ARHGAP32: variants seen among roughly 807,000 people sequenced by gnomAD.
The protein encoded by ARHGAP32 is rho GTPase-activating protein 32.
In ARHGAP32, 51 loss-of-function variants were observed where a neutral mutation model predicts 186.5. That is an observed-to-expected ratio of 0.27 (90% CI 0.22 to 0.35). The LOEUF (loss-of-function observed/expected upper bound fraction) is 0.35. Ranked by LOEUF, ARHGAP32 falls within the 10% of genes least tolerant of loss-of-function variation. ARHGAP32 has a pLI of 1.00. For synonymous variants in ARHGAP32, 950 were observed against 964.3 expected (o/e 0.99, Z 0.27); for missense variants, 2,186 against 2,623.5 (o/e 0.83, Z 3.64).
At chr11:129,187,915 GTTTT>G (rs1314946528) in intron 1 of ARHGAP32, among the ~76,000 whole-genome samples, 1 of 151,760 alleles carries the variant, frequency 6.6e-6, no homozygotes, top group African/African-American at 2.4e-5. Context: ...AGTTAATTGG[GTTTT>G]TTTGTTTTGG....
intron 11 of ARHGAP32, chr11:129,023,957 G>A (rs1938715157): frequency 3.0e-6 from 3 of 985,210 alleles, no homozygotes; most frequent in South Asian, 4.7e-5. Context: ...TCTGCATTCC[G>A]TACAAGAGTG....
intron 1 of ARHGAP32, among the ~76,000 whole-genome samples, chr11:129,272,905 T>G (rs997615957): frequency 3.3e-5 from 5 of 152,202 alleles, no homozygotes; most frequent in South Asian, 2.1e-4. Context: ...TTTCCTTCCA[T>G]CTACTAAATC....
intron 2 of ARHGAP32, among the ~76,000 whole-genome samples, chr11:129,143,635 G>A (rs1943110025): frequency 6.6e-6 from 1 of 152,138 alleles, no homozygotes; most frequent in Admixed American, 6.5e-5. Flanking sequence ...AAGCACAAGA[G>A]GAGTGATGCT....
At chr11:129,153,481 A>G (rs1943335052) in intron 2 of ARHGAP32, among the ~76,000 whole-genome samples, 1 of 152,182 alleles carries the variant, frequency 6.6e-6, no homozygotes, top group Non-Finnish European at 1.5e-5. Flanking sequence ...TCAACTTCAA[A>G]CTATACTACA....
At chr11:129,206,890 G>C (rs1439379632) in intron 1 of ARHGAP32, among the ~76,000 whole-genome samples, 1 of 151,888 alleles carries the variant, frequency 6.6e-6, no homozygotes, top group African/African-American at 2.4e-5. Flanking sequence ...ATCTCCTAAT[G>C]CTATCCCTCC....
Position 128,968,939 on chromosome 11 carries a change from G to T in ARHGAP32, c.6274C>A (p.Gln2092Lys), listed in dbSNP as rs1180861283. 6.5e-7 allele frequency: 1 copy of T among 1,549,000 alleles called. No individual in the cohort carries two copies. The highest frequency in any genetic ancestry group is 1.9e-5 in the Admixed American group (1 of 53,750). The change falls in exon 23 of 23, where the codon CAG becomes AAG. Residue 2092 changes from glutamine (Q) to lysine (K), a missense_variant. Coordinates refer to ENST00000682385, the MANE Select transcript of ARHGAP32 (RefSeq NM_001378024.1). The part of the protein sequence containing the change: ...GAFLPAELSL[Q>K]HPETQIHAE The stretch of plus-strand genomic sequence containing the variant: ...GCATGGATCTGTGTTTCAGGATGCT[G>T]CAAGGACAACTCTGCGGGCAGGAAG...
In ARHGAP32 at chr11:128,986,671, G is replaced by A. The variant is rs776820421; in HGVS notation, c.1299-3C>T. 1.9e-6 allele frequency: 3 copies of A among 1,613,494 alleles called. No homozygotes were observed. The highest frequency in any genetic ancestry group is 2.2e-5 in the East Asian group (1 of 44,864). On this transcript the variant is annotated splice_polypyrimidine_tract_variant and splice_region_variant and intron_variant, in intron 13 of 22. Coordinates refer to ENST00000682385, the MANE Select transcript of ARHGAP32 (RefSeq NM_001378024.1). Reference sequence around the variant, plus strand: ...CGTGCTCAGAGTCAAATTCATGGCTGACGTAGACAGAAGAGGACAAGCAAA... The same window carrying A: ...CGTGCTCAGAGTCAAATTCATGGCTAACGTAGACAGAAGAGGACAAGCAAA...
chr11:129,266,631 A>G (rs1293679864), intron 1 of ARHGAP32, among the ~76,000 whole-genome samples: 1 of 152,186 alleles, frequency 6.6e-6, no homozygotes, highest in Non-Finnish European at 1.5e-5. Context: ...ATTTTCCACA[A>G]TAACCAACTC....
At chr11:129,097,669 C>A (rs1184786607) in intron 5 of ARHGAP32, among the ~76,000 whole-genome samples, 1 of 152,040 alleles carries the variant, frequency 6.6e-6, no homozygotes, top group Non-Finnish European at 1.5e-5. Flanking sequence ...CTAAGGGACC[C>A]ATGGGACACC....
chr11:129,113,196 A>T (rs1292409789), intron 5 of ARHGAP32, among the ~76,000 whole-genome samples: 3 of 152,296 alleles, frequency 2.0e-5, no homozygotes, highest in Admixed American at 2.0e-4. Context: ...GTATGGAAGA[A>T]CCATAAGAGA....
intron 1 of ARHGAP32, among the ~76,000 whole-genome samples, chr11:129,230,730 CA>C (rs1338199471): frequency 6.6e-6 from 1 of 151,994 alleles, no homozygotes; most frequent in African/African-American, 2.4e-5. Context: ...TAAATTATTT[CA>C]ACAGGAACCA....
intron 2 of ARHGAP32, among the ~76,000 whole-genome samples, chr11:129,151,444 A>G (rs1311121127): frequency 1.3e-5 from 2 of 152,156 alleles, no homozygotes; most frequent in Non-Finnish European, 2.9e-5. Context: ...AGTACATGGA[A>G]CATTCTCCAA....
intron 11 of ARHGAP32, among the ~76,000 whole-genome samples, chr11:129,014,382 G>A (rs369809901): frequency 1.2e-4 from 19 of 152,242 alleles, no homozygotes; most frequent in African/African-American, 2.9e-4. Flanking sequence ...TTACACCAGC[G>A]TAATACTTCC....
intron 1 of ARHGAP32, among the ~76,000 whole-genome samples, chr11:129,237,216 T>C (rs1437543537): frequency 3.3e-5 from 5 of 152,218 alleles, no homozygotes; most frequent in Non-Finnish European, 5.9e-5. Flanking sequence ...GTCTTCTTTT[T>C]TTGTTCTTAA....
At chr11:129,001,496 T>C (rs1251310121) in intron 11 of ARHGAP32, among the ~76,000 whole-genome samples, 1 of 152,248 alleles carries the variant, frequency 6.6e-6, no homozygotes, top group African/African-American at 2.4e-5. Context: ...GAGCTACTTA[T>C]ATATTCCAGT....
At chr11:129,256,354 A>G (rs887541127) in intron 1 of ARHGAP32, among the ~76,000 whole-genome samples, 3 of 152,148 alleles carry the variant, frequency 2.0e-5, no homozygotes, top group Non-Finnish European at 2.9e-5. Context: ...ATGGAGGGAG[A>G]TAAGGTCAGC....
At chr11:129,149,240 G>A (rs1183370606) in intron 2 of ARHGAP32, among the ~76,000 whole-genome samples, 1 of 152,212 alleles carries the variant, frequency 6.6e-6, no homozygotes. Flanking sequence ...GGAAGAAGAA[G>A]ACAATAGCTA....
chr11:129,064,400 A>G (rs1940618773), intron 8 of ARHGAP32, among the ~76,000 whole-genome samples: 1 of 152,128 alleles, frequency 6.6e-6, no homozygotes, highest in Non-Finnish European at 1.5e-5. Context: ...GTGGGAGGAG[A>G]AAACAATATA....
At chr11:129,237,996 T>C (rs1944960128) in intron 1 of ARHGAP32, among the ~76,000 whole-genome samples, 1 of 152,112 alleles carries the variant, frequency 6.6e-6, no homozygotes, top group Non-Finnish European at 1.5e-5. Flanking sequence ...CGCATTTTGA[T>C]GGTAGGGACA....
Sources: gnomAD v4.1 joint callset for allele counts (sites outside exome capture counted in the v4.1 genomes callset) on GRCh38, gnomAD v4.1.1 for gene constraint, MANE v1.5 for transcripts, NCBI Gene and HGNC (gene_info 2026-07-23, HGNC 2026-07-21) for gene names.